The following PLCH2 variants were observed in gnomAD, a reference collection of about 807,000 sequenced individuals.
PLCH2 encodes phospholipase C eta 2.
Under a neutral mutation model 134.7 loss-of-function variants are expected in PLCH2, and 98 were observed. The ratio of observed to expected loss-of-function variants is 0.73; its 90% confidence interval spans 0.62 to 0.86. PLCH2 has a LOEUF of 0.86. PLCH2 is among the 40% of genes least tolerant of loss of function. The pLI is 0.00. For missense variants in PLCH2, 1,994 were observed against 1,986.6 expected (o/e 1.00, Z -0.07); for synonymous variants, 974 against 827.5 (o/e 1.18, Z -3.04).
intron 2 of PLCH2, among the ~76,000 whole-genome samples, chr1:2,441,100 C>A (rs1454325912): frequency 1.3e-5 from 2 of 152,142 alleles, no homozygotes; most frequent in East Asian, 1.9e-4. Flanking sequence ...GGTTCCCATC[C>A]TGACTGCACC....
In PLCH2 at chr1:2,504,168, A is replaced by G. The variant is rs1238877732; in HGVS notation, c.3206A>G (p.Glu1069Gly). Residue 1069 changes from glutamate to glycine, a missense_variant, in exon 22 of 22, where the codon GAG becomes GGG. Transcript: ENST00000378486. ...CNGEGAGGAY[E>G]RAPGSQTDGR... The stretch of plus-strand genomic sequence containing the variant: ...GGCGAGGGCGCCGGCGGGGCATACG[A>G]GAGGGCCCCCGGCAGCCAGACGGAC... 2 of 1,530,602 alleles carry G rather than the reference A, an allele frequency of 1.3e-6. No homozygotes were observed. The highest frequency in any genetic ancestry group is 2.8e-5 in the African/African-American group (2 of 71,364). The allele number at this position is 1,530,602 out of a possible 1,614,324, so 94.8% of individuals were successfully genotyped here.
At chr1:2,469,739 G>T (rs1363887195) in intron 1 of PLCH2, among the ~76,000 whole-genome samples, 1 of 152,240 alleles carries the variant, frequency 6.6e-6, no homozygotes, top group East Asian at 1.9e-4. Flanking sequence ...GGCTCCCACC[G>T]GCTGGACGGA....
upstream of PLCH2, among the ~76,000 whole-genome samples, chr1:2,421,584 C>A (rs542952673): frequency 1.3e-5 from 2 of 152,128 alleles, no homozygotes; most frequent in Non-Finnish European, 2.9e-5. Flanking sequence ...CATCTCTTCC[C>A]CACTCTGTGC....
At chr1:2,459,489 CTGGTGGT>C (rs1640683297) in intron 2 of PLCH2, among the ~76,000 whole-genome samples, 1 of 69,542 alleles carries the variant, frequency 1.4e-5, no homozygotes, top group Non-Finnish European at 3.3e-5. Context: ...GTCCTCCTTC[CTGGTGGT>C]CCTCCTTCCT....
rs1640022725 is a variant in PLCH2, at chr1:2,448,067, C to T, written c.115+17438C>T. Among the ~76,000 whole-genome samples the T allele has an allele frequency of 2.0e-5, 3 of 152,268 alleles. No homozygotes were observed. The South Asian group carries it at 6.2e-4, about 32-fold the overall frequency. On this transcript the variant is annotated intron_variant, in intron 2 of 3. Coordinates refer to the PLCH2 transcript ENST00000609981. The surrounding 1 kb of genome is among the most constrained non-coding windows in gnomAD (Gnocchi z 4.0). ...TGTGGTCCTTTTTCCCTGGTCGTGG[C>T]CTCCAGGCAGCCAAACCCAGGCAAA...
chr1:2,424,715 C>T (rs1222826675), upstream of PLCH2, among the ~76,000 whole-genome samples: 60 of 152,112 alleles, frequency 3.9e-4, no homozygotes, highest in Admixed American at 1.9e-3. Flanking sequence ...AGGCCGGGCG[C>T]GGTGGCTCAT....
the PLCH2 span, among the ~76,000 whole-genome samples, chr1:2,417,060 G>A: frequency 1.3e-5 from 2 of 152,218 alleles, no homozygotes; most frequent in Non-Finnish European, 2.9e-5. Context: ...CTGATGGCCA[G>A]AGAGGCCATG....
chr1:2,425,075 A>C (rs1009637491), upstream of PLCH2, among the ~76,000 whole-genome samples: 4 of 151,648 alleles, frequency 2.6e-5, no homozygotes, highest in Non-Finnish European at 5.9e-5. Context: ...AGGCAGGAGA[A>C]TCACTTGAAC....
intron 4 of PLCH2, among the ~76,000 whole-genome samples, chr1:2,482,706 T>A (rs936404672): frequency 6.6e-6 from 1 of 152,000 alleles, no homozygotes; most frequent in Non-Finnish European, 1.5e-5. Context: ...TCAGAGGGGA[T>A]CCCAGGGGAG....
In PLCH2 at chr1:2,489,301, G is replaced by C. The variant is rs1349252807; in HGVS notation, c.1330G>C (p.Asp444His). The change falls in exon 9 of 22, where the codon GAC (aspartate) becomes CAC (histidine). Residue 444 changes from aspartate (D) to histidine (H), a missense_variant. Asp to His is a moderately conservative substitution (Grantham distance 81). Coordinates refer to ENST00000378486, the MANE Select transcript of PLCH2 (RefSeq NM_014638.4). ...GACTGACATCCTTGGGGACAAGCTG[G>C]ACCTGTCATCAGTGAGCAGTGAAGA... Reference protein sequence around the residue: ...YLTDILGDKLDLSSVSSEDAT... With the variant: ...YLTDILGDKLHLSSVSSEDAT... 1 of 1,613,854 alleles carries C rather than the reference G, an allele frequency of 6.2e-7. No individual in the cohort carries two copies. Among genetic ancestry groups the C allele is most frequent in the Non-Finnish European group, 8.5e-7 (1 of 1,179,872 alleles).
intron 1 of PLCH2, among the ~76,000 whole-genome samples, chr1:2,468,232 G>C (rs944528698): frequency 1.3e-5 from 2 of 152,230 alleles, no homozygotes; most frequent in Non-Finnish European, 2.9e-5. Context: ...GCTTTCTCTG[G>C]GGGGCCTGCA....
intron 4 of PLCH2, among the ~76,000 whole-genome samples, chr1:2,481,705 A>G (rs1317580851): frequency 6.6e-6 from 1 of 152,192 alleles, no homozygotes; most frequent in Non-Finnish European, 1.5e-5. Flanking sequence ...CTGTCAGGTT[A>G]CCGGCCTGGC....
intron 2 of PLCH2, among the ~76,000 whole-genome samples, chr1:2,458,105 G>A (rs997825496): frequency 2.6e-5 from 4 of 152,166 alleles, no homozygotes; most frequent in Non-Finnish European, 5.9e-5. Flanking sequence ...TGCCGTCACT[G>A]TGGGCACCCA....
chr1:2,499,374 C>A, intron 19 of PLCH2, 144 bp downstream of exon 19: 1 of 1,079,984 alleles, frequency 9.3e-7, no homozygotes, highest in Non-Finnish European at 1.3e-6. Flanking sequence ...GGGAGGAGAG[C>A]CAGCCTGGGG....
intron 1 of PLCH2, among the ~76,000 whole-genome samples, chr1:2,468,570 G>A (rs1475503134): frequency 6.6e-6 from 1 of 152,066 alleles, no homozygotes; most frequent in Non-Finnish European, 1.5e-5. Flanking sequence ...GCCAGGGGCG[G>A]GGAGAGGAAA....
chr1:2,427,138 GGGAAGTAGCA>G lies in PLCH2; in HGVS notation c.-178+1105_-178+1114del, dbSNP rs1357815123. 2.1e-4 allele frequency among the ~76,000 whole-genome samples: 32 copies of G among 152,376 alleles called. No homozygotes were observed. In the East Asian group the frequency reaches 5.6e-3, roughly 27 times the overall value. ...CCTGGAGACGGAAGTCAGGGTAGCA[GGGAAGTAGCA>G]GGAGGTGGCCTCTGTGTGACAGCGG... is the stretch of plus-strand genomic sequence containing the variant. On this transcript the variant is annotated intron_variant, in intron 1 of 3. Coordinates refer to the PLCH2 transcript ENST00000609981.
chr1:2,477,439 C>T (rs189774133), intron 1 of PLCH2, among the ~76,000 whole-genome samples: 1 of 152,334 alleles, frequency 6.6e-6, no homozygotes, highest in Admixed American at 6.5e-5. Context: ...CCAGTACTGC[C>T]CTTGGTCCTC....
At chr1:2,464,580 T>G (rs1399019749), upstream of PLCH2, among the ~76,000 whole-genome samples, 1 of 152,200 alleles carries the variant, frequency 6.6e-6, no homozygotes, top group African/African-American at 2.4e-5. Flanking sequence ...GAACTTTTGC[T>G]GCAGGATGGC....
Position 2,459,627 on chromosome 1 carries a change from TCC to T in PLCH2, c.116-18848_116-18847del, listed in dbSNP as rs1640706561. Among the ~76,000 whole-genome samples, 4 of 34,122 alleles carry T rather than the reference TCC, an allele frequency of 1.2e-4. 1 individual carries two copies. Among genetic ancestry groups the T allele is most frequent in the Non-Finnish European group, 3.0e-4 (4 of 13,536 alleles). The allele number at this position is 34,122 out of a possible 152,430, so 22.4% of individuals were successfully genotyped here. Reference sequence around the variant, plus strand: ...CGGTGGTCCTCCTTGCCTGTGGTCCTCCTTGCCTGTGGTCTTCCTTTCCGGTG... The same window carrying T: ...CGGTGGTCCTCCTTGCCTGTGGTCCTTTGCCTGTGGTCTTCCTTTCCGGTG... On this transcript the variant is annotated intron_variant, in intron 2 of 3. Transcript: ENST00000609981.
Sources: allele counts gnomAD v4.1 joint callset (sites outside exome capture counted in the v4.1 genomes callset), GRCh38; gene constraint gnomAD v4.1.1; non-coding constraint Gnocchi (gnomAD v3.1); transcripts MANE v1.5; gene names NCBI Gene and HGNC (gene_info 2026-07-23, HGNC 2026-07-21).